The following EXOC4 variants were observed in gnomAD, a reference collection of about 807,000 sequenced individuals.
EXOC4 encodes exocyst complex component 4.
In EXOC4, 71 loss-of-function variants were observed where a neutral mutation model predicts 107.2. That is an observed-to-expected ratio of 0.66 (90% confidence interval 0.55 to 0.81). The LOEUF (loss-of-function observed/expected upper bound fraction) is 0.81. Ranked by LOEUF, EXOC4 falls within the 30% of genes least tolerant of loss-of-function variation. EXOC4 has a pLI of 0.00. For missense variants in EXOC4, 1,108 were observed against 1,189.6 expected, an observed-to-expected ratio of 0.93 and a Z score of 1.01; for synonymous variants, 456 against 441.2, an observed-to-expected ratio of 1.03 and a Z score of -0.42.
chr7:133,876,644 TG>T (rs1158997026), intron 11 of EXOC4, among the ~76,000 whole-genome samples: 3 of 152,154 alleles, frequency 2.0e-5, no homozygotes, highest in Non-Finnish European at 2.9e-5. Flanking sequence ...GATGCCTTAC[TG>T]TGAACTCTTA....
At chr7:133,908,399 C>T (rs926389312) in intron 12 of EXOC4, among the ~76,000 whole-genome samples, 1 of 152,220 alleles carries the variant, frequency 6.6e-6, no homozygotes, top group Admixed American at 6.5e-5. Flanking sequence ...AAAGCACTAG[C>T]TCTGTCTCAG....
intron 10 of EXOC4, among the ~76,000 whole-genome samples, chr7:133,720,054 G>T (rs775696745): frequency 2.6e-5 from 4 of 152,146 alleles, no homozygotes; most frequent in Non-Finnish European, 5.9e-5. Flanking sequence ...ACCTCTTGGG[G>T]CAAGGTCTGT....
chr7:133,723,884 C>G, intron 10 of EXOC4, among the ~76,000 whole-genome samples: 1 of 152,086 alleles, frequency 6.6e-6, no homozygotes, highest in East Asian at 1.9e-4. Flanking sequence ...CCACCTGCCT[C>G]CTGAGTAGTT....
chr7:133,841,117 A>G (rs763911895), intron 11 of EXOC4, among the ~76,000 whole-genome samples: 1 of 152,158 alleles, frequency 6.6e-6, no homozygotes, highest in Non-Finnish European at 1.5e-5. Flanking sequence ...ATTCTCATTC[A>G]TAGTTGGCTG....
intron 12 of EXOC4, among the ~76,000 whole-genome samples, chr7:133,907,541 TC>T (rs1799594306): frequency 6.6e-6 from 1 of 152,106 alleles, no homozygotes; most frequent in Non-Finnish European, 1.5e-5. Flanking sequence ...TGGTTAGAAA[TC>T]ACTGATCTGG....
At chr7:133,550,422 A>G (rs1396707810) in intron 9 of EXOC4, among the ~76,000 whole-genome samples, 1 of 152,168 alleles carries the variant, frequency 6.6e-6, no homozygotes, top group Non-Finnish European at 1.5e-5. Flanking sequence ...TAGCAGAGTT[A>G]TTCTTCCTGC....
chr7:133,840,579 A>T (rs1260126379), intron 11 of EXOC4, among the ~76,000 whole-genome samples: 1 of 151,896 alleles, frequency 6.6e-6, no homozygotes, highest in African/African-American at 2.4e-5. Flanking sequence ...ATCTCAGCTC[A>T]CTGCACGATT....
intron 11 of EXOC4, among the ~76,000 whole-genome samples, chr7:133,850,640 C>CCG (rs1798222766): frequency 6.7e-6 from 1 of 149,900 alleles, no homozygotes. Flanking sequence ...GGTTACCCCC[C>CCG]CACACACACA....
intron 14 of EXOC4, among the ~76,000 whole-genome samples, chr7:133,971,339 T>TATATATATAC (rs1801218910): frequency 1.3e-5 from 1 of 79,640 alleles, no homozygotes; most frequent in African/African-American, 5.5e-5. Context: ...AATGTGTATA[T>TATATATATAC]ATATATATAT....
chr7:133,989,934 G>A (rs1175476926), intron 14 of EXOC4, among the ~76,000 whole-genome samples: 1 of 152,184 alleles, frequency 6.6e-6, no homozygotes, highest in African/African-American at 2.4e-5. Flanking sequence ...GGTACCGCAA[G>A]CTTCTTTTGA....
chr7:133,954,412 T>C (rs1800767205), intron 14 of EXOC4, among the ~76,000 whole-genome samples: 1 of 152,218 alleles, frequency 6.6e-6, no homozygotes, highest in African/African-American at 2.4e-5. Context: ...TAGGAAGACA[T>C]TTAAGAATAT....
intron 9 of EXOC4, among the ~76,000 whole-genome samples, chr7:133,550,834 A>G (rs1800573302): frequency 6.6e-6 from 1 of 152,120 alleles, no homozygotes; most frequent in Admixed American, 6.6e-5. Flanking sequence ...TGCTGCTGCA[A>G]AGGTATTTTA....
In EXOC4 at chr7:133,552,859, A is replaced by G. The variant is rs34386627; in HGVS notation, c.1417+72721A>G. 7.2e-3 allele frequency among the ~76,000 whole-genome samples: 1,098 copies of G among 152,178 alleles called. 6 individuals are homozygous for G. Among genetic ancestry groups the G allele is most frequent in the Middle Eastern group, 0.031 (9 of 294 alleles). The stretch of plus-strand genomic sequence containing the variant: ...AGGTGTATTTTACCCATTAATGTGT[A>G]TTTTTACTGTTGTTTTTGGCCTCCT... On this transcript the variant is annotated intron_variant, in intron 9 of 17. Transcript: ENST00000253861.
chr7:133,855,745 A>T (rs1023516950), intron 11 of EXOC4, among the ~76,000 whole-genome samples: 6 of 152,192 alleles, frequency 3.9e-5, no homozygotes, highest in African/African-American at 7.2e-5. Context: ...AGTTAATCTT[A>T]TATACCCCTT....
chr7:133,927,360 C>T (rs6955279), intron 13 of EXOC4, among the ~76,000 whole-genome samples: 64,709 of 151,938 alleles, frequency 0.43, 14,317 homozygotes, highest in South Asian at 0.62. Flanking sequence ...TCTAGCAGAG[C>T]CAGGAATGTG....
At chr7:134,031,600 A>C (rs1795272524) in intron 17 of EXOC4, among the ~76,000 whole-genome samples, 1 of 152,202 alleles carries the variant, frequency 6.6e-6, no homozygotes, top group Non-Finnish European at 1.5e-5. Flanking sequence ...GGTAGAGACA[A>C]GTATTACTAG....
intron 7 of EXOC4, among the ~76,000 whole-genome samples, chr7:133,433,055 A>C (rs952745601): frequency 6.6e-6 from 1 of 152,228 alleles, no homozygotes; most frequent in South Asian, 2.1e-4. Context: ...TCTCATTCTT[A>C]TTTTCGAATG....
chr7:133,532,053 G>A (rs1033204522), intron 9 of EXOC4, among the ~76,000 whole-genome samples: 2 of 151,890 alleles, frequency 1.3e-5, no homozygotes, highest in Non-Finnish European at 2.9e-5. Flanking sequence ...TACATGAAAC[G>A]GGTTTATGTT....
chr7:133,699,383 T>C (rs1015659636), intron 10 of EXOC4, among the ~76,000 whole-genome samples: 1 of 152,184 alleles, frequency 6.6e-6, no homozygotes, highest in Non-Finnish European at 1.5e-5. Flanking sequence ...CCAAAGAGTT[T>C]ATTCAGGAAT....
Sources: gnomAD v4.1 joint callset for allele counts (sites outside exome capture counted in the v4.1 genomes callset) on GRCh38, gnomAD v4.1.1 for gene constraint, MANE v1.5 for transcripts, NCBI Gene and HGNC (gene_info 2026-07-23, HGNC 2026-07-21) for gene names.